The following PRELID1 variants were observed in gnomAD, a reference collection of about 807,000 sequenced individuals.
PRELID1 encodes PRELI domain-containing protein 1, mitochondrial.
A neutral mutation model predicts 29.0 loss-of-function variants in PRELID1; 15 were observed. That is an observed-to-expected ratio of 0.52 (90% CI 0.35 to 0.80). PRELID1 has a LOEUF of 0.80. Among genes scored for constraint, PRELID1 ranks in the 30% least tolerant of loss-of-function variants. PRELID1 has a pLI of 0.01. For missense variants in PRELID1, 187 were observed against 275.9 expected (o/e 0.68, Z 2.28); for synonymous variants, 79 against 106.5 (o/e 0.74, Z 1.59).
intron 2 of PRELID1, among the ~76,000 whole-genome samples, chr5:177,305,198 T>G (rs548189198): frequency 2.6e-5 from 4 of 151,172 alleles, no homozygotes; most frequent in South Asian, 4.2e-4. Flanking sequence ...GCAGTGCTTT[T>G]CTTTTTTTTT....
At position 177,303,817 on chromosome 5, in the gene PRELID1, T is replaced by TGGCGGC. The variant is rs577990702; in HGVS notation, c.-153_-148dup. 174 of 463,644 alleles carry TGGCGGC rather than the reference T, an allele frequency of 3.8e-4. No homozygotes were observed. Among genetic ancestry groups the TGGCGGC allele is most frequent in the African/African-American group, 6.0e-4 (29 of 48,270 alleles). The allele number at this position is 463,644 out of a possible 1,614,324, so 28.7% of individuals were successfully genotyped here. A position where few individuals can be genotyped will look rare whatever the true frequency, so the allele number is the denominator to read the frequency against. ...AAGTGGCGCGCGGCCGGACAACTCATGGCGGCGGCGGCGGCGGCGGCAGCT... is the reference window on the plus strand; with the variant it reads ...AAGTGGCGCGCGGCCGGACAACTCATGGCGGCGGCGGCGGCGGCGGCGGCGGCAGCT... On this transcript the variant is annotated 5_prime_UTR_variant, in exon 1 of 5. Coordinates refer to ENST00000303204, the MANE Select transcript of PRELID1 (RefSeq NM_013237.4). This position sits in a 1 kb window ranked among gnomAD's most constrained non-coding sequence, Gnocchi z 6.1.
Position 177,306,730 on chromosome 5 carries a change from G to C in PRELID1, c.*160G>C. ...GGCATCTGCAGTACACCAAGCACAT[G>C]ATTCATGTCTGAGCCAGGTCTGCTT... On this transcript the variant is annotated 3_prime_UTR_variant, in exon 5 of 5. Coordinates refer to ENST00000303204, the MANE Select transcript of PRELID1 (RefSeq NM_013237.4). 1 of 1,147,894 alleles carries C rather than the reference G, an allele frequency of 8.7e-7. No homozygotes were observed. Among genetic ancestry groups the C allele is most frequent in the Middle Eastern group, 2.1e-4 (1 of 4,854 alleles). The allele number at this position is 1,147,894 out of a possible 1,614,324, so 71.1% of individuals were successfully genotyped here.
Position 177,304,850 on chromosome 5 carries a change from GGTGAGACACCTCCTGTT to G in PRELID1, c.318+5_318+21del. The G allele has an allele frequency of 6.2e-7, 1 of 1,605,068 alleles. No individual in the cohort carries two copies. Among genetic ancestry groups the G allele is most frequent in the South Asian group, 1.1e-5 (1 of 90,332 alleles). On this transcript the variant is annotated splice_donor_variant and splice_donor_5th_base_variant and intron_variant, in intron 2 of 4. Coordinates refer to ENST00000303204, the MANE Select transcript of PRELID1 (RefSeq NM_013237.4). LOFTEE classifies it high-confidence loss of function. ...GGAACATCAACCACGCCCGGCTGAT[GGTGAGACACCTCCTGTT>G]GTGATTCTGCACCTCCCCCTCTCCC...
At chr5:177,306,372 G>A (rs760442893) in intron 4 of PRELID1, 50 bp from the exon 5 acceptor site, 1 of 1,612,298 alleles carries the variant, frequency 6.2e-7, no homozygotes, top group Non-Finnish European at 8.5e-7. Context: ...GGGAAATTAG[G>A]TTGGTCTTTC....
chr5:177,306,486 G>A lies in PRELID1; in HGVS notation c.576G>A (p.Thr192=), dbSNP rs146349826. The change falls in exon 5 of 5, where the codon ACG becomes ACA. Residue 192 remains threonine, a synonymous_variant. Transcript: ENST00000303204. ...AKEAKEKAKE[T]ALAATEKAKD... ...AAGCCAAGGAGAAGGCAAAGGAGAC[G>A]GCACTGGCAGCTACAGAGAAGGCCA... 150 of 1,613,796 alleles carry A rather than the reference G, an allele frequency of 9.3e-5. No homozygotes were observed. In the African/African-American group the frequency reaches 1.4e-3, roughly 15 times the overall value.
chr5:177,304,797 C>A lies in PRELID1; in HGVS notation c.265C>A (p.Gln89Lys). 2 of 1,613,872 alleles carry A rather than the reference C, an allele frequency of 1.2e-6. No individual in the cohort carries two copies. The highest frequency in any genetic ancestry group is 3.3e-4 in the Middle Eastern group (2 of 6,056). The change falls in exon 2 of 5, where the codon CAG becomes AAG. Residue 89 changes from glutamine (Q) to lysine (K), a missense_variant. Physicochemically the swap from Gln to Lys is moderately conservative, Grantham distance 53. Transcript: ENST00000303204. ...CCTGGAGGACTCTATTGTGGACCCA[C>A]AGAATCAGACCATGACTACCTTCAC... ...YVLEDSIVDP[Q>K]NQTMTTFTWN...
chr5:177,304,097 G>C lies in PRELID1; in HGVS notation c.92+20G>C, dbSNP rs1445313190. The C allele has an allele frequency of 3.1e-6, 5 of 1,600,788 alleles. No individual in the cohort carries two copies. The East Asian group carries it at 1.1e-4, about 36-fold the overall frequency. On this transcript the variant is annotated intron_variant, in intron 1 of 4. Transcript: ENST00000303204. ...CTATAGGTACGTGGTATTTGGAAGA[G>C]CAAAACCGCGCCATCTCGCTATCTG...
intron 1 of PRELID1, 148 bp downstream of exon 1, chr5:177,304,225 G>A: frequency 1.3e-6 from 1 of 746,556 alleles, no homozygotes; most frequent in South Asian, 1.7e-5. Context: ...AGGCCTGCAA[G>A]GTCCTGAAGG....
At chr5:177,304,575 GTCT>G (rs1760806700) in intron 1 of PRELID1, 47 bp from the exon 2 acceptor site, 53 of 1,499,554 alleles carry the variant, frequency 3.5e-5, no homozygotes, top group Non-Finnish European at 4.8e-5. Flanking sequence ...CCCTCGGGCA[GTCT>G]CTTAGGGGCA....
Position 177,304,729 on chromosome 5 carries a change from C to T in PRELID1, c.197C>T (p.Ala66Val). 1 of 1,614,008 alleles carries T rather than the reference C, an allele frequency of 6.2e-7. No homozygotes were observed. The highest frequency in any genetic ancestry group is 8.5e-7 in the Non-Finnish European group (1 of 1,179,874). Residue 66 changes from alanine to valine, a missense_variant, in exon 2 of 5, where the codon GCC (alanine) becomes GTC (valine). Transcript: ENST00000303204. Reference protein sequence around the residue: ...LTKTNRMPRWAERLFPANVAH... With the variant: ...LTKTNRMPRWVERLFPANVAH... ...AAGACCAACAGGATGCCACGCTGGG[C>T]CGAGCGACTATTTCCTGCCAATGTT... is the stretch of plus-strand genomic sequence containing the variant.
chr5:177,306,095 C>A lies in PRELID1; in HGVS notation c.433-3C>A. On this transcript the variant is annotated splice_region_variant and splice_polypyrimidine_tract_variant and intron_variant, in intron 3 of 4. Coordinates refer to ENST00000303204, the MANE Select transcript of PRELID1 (RefSeq NM_013237.4). ...TATCCTTCCCATTCTCATCTCATGC[C>A]AGGAATTTGGTCTTGCCCGATTCAA... 1 of 1,611,074 alleles carries A rather than the reference C, an allele frequency of 6.2e-7. No individual in the cohort carries two copies. The highest frequency in any genetic ancestry group is 8.5e-7 in the Non-Finnish European group (1 of 1,177,210).
Position 177,303,837 on chromosome 5 carries a change from G to GCGGCGGCGT in PRELID1, c.-148_-147insGGCGGCGTC, listed in dbSNP as rs1473682305. On this transcript the variant is annotated 5_prime_UTR_variant, in exon 1 of 5. Coordinates refer to ENST00000303204, the MANE Select transcript of PRELID1 (RefSeq NM_013237.4). The surrounding 1 kb of genome is among the most constrained non-coding windows in gnomAD (Gnocchi z 6.1). ...ACTCATGGCGGCGGCGGCGGCGGCG[G>GCGGCGGCGT]CAGCTGCTTGGGCGCGGTGCGGTGG... 2 of 516,108 alleles carry GCGGCGGCGT rather than the reference G, an allele frequency of 3.9e-6. No homozygotes were observed. Among genetic ancestry groups the GCGGCGGCGT allele is most frequent in the African/African-American group, 4.1e-5 (2 of 49,298 alleles). The allele number at this position is 516,108 out of a possible 1,614,324, so 32.0% of individuals were successfully genotyped here. A position where few individuals can be genotyped will look rare whatever the true frequency, so the allele number is the denominator to read the frequency against.
In PRELID1 at chr5:177,305,122, G is replaced by A. The variant is rs563195510; in HGVS notation, c.318+272G>A. Among the ~76,000 whole-genome samples the A allele has an allele frequency of 7.9e-5, 12 of 152,060 alleles. No homozygotes were observed. The East Asian group carries it at 1.7e-3, about 22-fold the overall frequency. On this transcript the variant is annotated intron_variant, in intron 2 of 4. Coordinates refer to ENST00000303204, the MANE Select transcript of PRELID1 (RefSeq NM_013237.4). Reference sequence around the variant, plus strand: ...TTGTCCTAAGTTCTAAATGCAAAGCGCTCCCATCTGGCATCTATGGCACAG... The same window carrying A: ...TTGTCCTAAGTTCTAAATGCAAAGCACTCCCATCTGGCATCTATGGCACAG...
Position 177,305,641 on chromosome 5 carries a change from G to C in PRELID1, c.319-230G>C, listed in dbSNP as rs889717264. On this transcript the variant is annotated intron_variant, in intron 2 of 4. Transcript: ENST00000303204. ...CTGGAAGGCCCTTTGTTGATCTCAA[G>C]AGAGAGACCTTTTGCCTTCTAGTTT... 19 of 546,084 alleles carry C rather than the reference G, an allele frequency of 3.5e-5. No individual in the cohort carries two copies. The African/African-American group carries it at 3.6e-4, about 10-fold the overall frequency. The allele number at this position is 546,084 out of a possible 1,614,324, so 33.8% of individuals were successfully genotyped here.
At position 177,304,689 on chromosome 5, in the gene PRELID1, C is replaced by G. The variant is rs765749565; in HGVS notation, c.157C>G (p.Arg53Gly). Reference protein sequence around the residue: ...EVTPDQKLLSRRLLTKTNRMP... With the variant: ...EVTPDQKLLSGRLLTKTNRMP... Reference sequence around the variant, plus strand: ...GACCCCTGACCAGAAACTGCTGTCCCGGCGACTCCTGACCAAGACCAACAG... The same window carrying G: ...GACCCCTGACCAGAAACTGCTGTCCGGGCGACTCCTGACCAAGACCAACAG... The change falls in exon 2 of 5, where the codon CGG becomes GGG. Residue 53 changes from arginine to glycine, a missense_variant. Coordinates refer to ENST00000303204, the MANE Select transcript of PRELID1 (RefSeq NM_013237.4). 1.2e-6 allele frequency: 2 copies of G among 1,614,068 alleles called. No individual in the cohort carries two copies.
chr5:177,306,112 C>G lies in PRELID1; in HGVS notation c.447C>G (p.Ala149=). The G allele has an allele frequency of 6.2e-7, 1 of 1,613,412 alleles. No individual in the cohort carries two copies. Among genetic ancestry groups the G allele is most frequent in the African/African-American group, 1.3e-5 (1 of 74,974 alleles). Residue 149 remains alanine, a synonymous_variant, in exon 4 of 5, where the codon GCC becomes GCG. Transcript: ENST00000303204. The part of the protein sequence containing the change: ...VSRAVQEFGL[A]RFKSNVTKTM... ...TCTCATGCCAGGAATTTGGTCTTGCCCGATTCAAAAGCAACGTGACCAAGA... is the reference window on the plus strand; with the variant it reads ...TCTCATGCCAGGAATTTGGTCTTGCGCGATTCAAAAGCAACGTGACCAAGA...
Position 177,306,719 on chromosome 5 carries a change from A to G in PRELID1, c.*149A>G, listed in dbSNP as rs888090606. The G allele has an allele frequency of 8.4e-7, 1 of 1,189,908 alleles. No individual in the cohort carries two copies. Among genetic ancestry groups the G allele is most frequent in the Non-Finnish European group, 1.2e-6 (1 of 859,696 alleles). The allele number at this position is 1,189,908 out of a possible 1,614,324, so 73.7% of individuals were successfully genotyped here. On this transcript the variant is annotated 3_prime_UTR_variant, in exon 5 of 5. Coordinates refer to ENST00000303204, the MANE Select transcript of PRELID1 (RefSeq NM_013237.4). ...GGATGCAGTTTGGCATCTGCAGTAC[A>G]CCAAGCACATGATTCATGTCTGAGC...
Position 177,304,646 on chromosome 5 carries a change from C to T in PRELID1, c.114C>T (p.Asp38=), listed in dbSNP as rs1343054741. ...NPYSKHVLTE[D]IVHREVTPDQ... is the part of the protein sequence containing the mutation. ...GCAGCAAACATGTCTTGACGGAAGA[C>T]ATAGTACACCGGGAGGTGACCCCTG... The change falls in exon 2 of 5, where the codon GAC becomes GAT. Residue 38 remains aspartate, a synonymous_variant. Transcript: ENST00000303204. The T allele has an allele frequency of 2.5e-6, 4 of 1,613,696 alleles. No homozygotes were observed. The highest frequency in any genetic ancestry group is 1.7e-5 in the Admixed American group (1 of 60,028).
At chr5:177,305,769 C>G in intron 2 of PRELID1, 102 bp from the exon 3 acceptor site, 1 of 945,128 alleles carries the variant, frequency 1.1e-6, no homozygotes, top group Non-Finnish European at 1.6e-6. Flanking sequence ...AATGGATTTT[C>G]ATTGTATTGC....
Sources: gnomAD v4.1 joint callset for allele counts (sites outside exome capture counted in the v4.1 genomes callset) on GRCh38, gnomAD v4.1.1 for gene constraint, Gnocchi (gnomAD v3.1) non-coding constraint, MANE v1.5 for transcripts, NCBI Gene and HGNC (gene_info 2026-07-23, HGNC 2026-07-21) for gene names.